The following SIGIRR variants were observed in gnomAD, a reference collection of about 807,000 sequenced individuals.
SIGIRR encodes the protein single Ig IL-1-related receptor.
In SIGIRR, 41 loss-of-function variants were observed where a neutral mutation model predicts 45.6. The ratio of observed to expected loss-of-function variants is 0.90; its 90% CI spans 0.70 to 1.17. The LOEUF is 1.17. Ranked by LOEUF, SIGIRR falls within the 50% of genes most tolerant of loss-of-function variation. The pLI is 0.00. For synonymous variants in SIGIRR, 298 were observed against 239.0 expected (o/e 1.25, Z -2.28); for missense variants, 599 against 539.6 (o/e 1.11, Z -1.09).
In SIGIRR at chr11:406,047, G is replaced by A. The variant is rs765174522; in HGVS notation, c.1082C>T (p.Pro361Leu). Residue 361 changes from proline (P) to leucine (L), a missense_variant, in exon 10 of 10, where the codon CCT becomes CTT. Pro to Leu is a moderately conservative substitution (Grantham distance 98). Coordinates refer to ENST00000431843, the MANE Select transcript of SIGIRR (RefSeq NM_001135054.2). ...TGGAGCTGATGGCTCTCCAAAGACA[G>A]GCCCCCGGACACCTGGGGTGGGGAG... ...DPEGDLGVRG[P>L]VFGEPSAPPH... The A allele has an allele frequency of 7.2e-5, 114 of 1,583,886 alleles. No homozygotes were observed. The highest frequency in any genetic ancestry group is 3.8e-5 in the Non-Finnish European group (44 of 1,166,348).
chr11:409,736 G>T, intron 2 of SIGIRR, 132 bp downstream of exon 2: 1 of 1,044,172 alleles, frequency 9.6e-7, no homozygotes, highest in Non-Finnish European at 1.3e-6. Context: ...GGGTGAGCAG[G>T]GGCCTTTGTA....
At chr11:416,983 T>G (rs531247136), upstream of SIGIRR, among the ~76,000 whole-genome samples, 11 of 152,190 alleles carry the variant, frequency 7.2e-5, no homozygotes, top group East Asian at 1.9e-3. The surrounding 1 kb of genome is among the most constrained non-coding windows in gnomAD (Gnocchi z 9.1). Context: ...GATCCAGGCT[T>G]GGGCGACCGA....
intron 1 of SIGIRR, among the ~76,000 whole-genome samples, chr11:410,327 G>A (rs1705527390): frequency 6.6e-6 from 1 of 152,118 alleles, no homozygotes; most frequent in Non-Finnish European, 1.5e-5. Context: ...GTGGGACCCT[G>A]TCTCCCGACA....
At chr11:406,739 G>A (rs1414238228) in intron 8 of SIGIRR, 104 bp downstream of exon 8, 67 of 1,427,462 alleles carry the variant, frequency 4.7e-5, no homozygotes, top group Middle Eastern at 4.9e-4. Flanking sequence ...TTCACAAAGC[G>A]TGGTGCCGCA....
chr11:409,725 G>A (rs969112776), intron 2 of SIGIRR, 143 bp downstream of exon 2: 4 of 923,824 alleles, frequency 4.3e-6, no homozygotes, highest in East Asian at 3.3e-5. Flanking sequence ...CCCAGTGGGA[G>A]GGGTGAGCAG....
At chr11:411,598 C>T (rs868377135) in intron 1 of SIGIRR, among the ~76,000 whole-genome samples, 48 of 57,372 alleles carry the variant, frequency 8.4e-4, no homozygotes, top group Non-Finnish European at 1.5e-3. Context: ...ATACAGTCGG[C>T]GGGGGGTGCC....
intron 8 of SIGIRR, 34 bp downstream of exon 8, chr11:406,809 G>C (rs1320529714): frequency 4.7e-6 from 7 of 1,485,048 alleles, no homozygotes; most frequent in Non-Finnish European, 6.2e-6. Context: ...CTAACCCGCC[G>C]CTAGCCCCGG....
At position 405,978 on chromosome 11, in the gene SIGIRR, T is replaced by A; in HGVS notation, c.1151A>T (p.Glu384Val). Residue 384 changes from glutamate (E) to valine (V), a missense_variant, in exon 10 of 10, where the codon GAA becomes GTA. By Grantham distance (121) the Glu-to-Val change is moderately radical. Coordinates refer to ENST00000431843, the MANE Select transcript of SIGIRR (RefSeq NM_001135054.2). ...GVSLGESRSS[E>V]VDVSDLGSRN... is the part of the protein sequence containing the mutation. ...CGAGCCGAGATCCGAGACGTCCACT[T>A]CGCTGCTCCGGCTCTCTCCCAGCGA... 1 of 1,612,326 alleles carries A rather than the reference T, an allele frequency of 6.2e-7. No individual in the cohort carries two copies. Among genetic ancestry groups the A allele is most frequent in the South Asian group, 1.1e-5 (1 of 91,044 alleles).
At chr11:413,751 C>T (rs566407688) in intron 1 of SIGIRR, among the ~76,000 whole-genome samples, 1 of 141,578 alleles carries the variant, frequency 7.1e-6, no homozygotes, top group Non-Finnish European at 1.5e-5. Flanking sequence ...CTCTCCCCTA[C>T]GCACCTTCCC....
At chr11:406,708 G>A in intron 8 of SIGIRR, 135 bp downstream of exon 8, 2 of 1,413,070 alleles carry the variant, frequency 1.4e-6, no homozygotes, top group South Asian at 1.5e-5. Context: ...CCCAGGCAGC[G>A]GAACCTCCCC....
rs1245681283 is a variant in SIGIRR at position 410,147 on chromosome 11, C to T, written c.-153-120G>A. 19 of 927,310 alleles carry T rather than the reference C, an allele frequency of 2.0e-5. No homozygotes were observed. The South Asian group carries it at 5.2e-4, about 25-fold the overall frequency. The allele number at this position is 927,310 out of a possible 1,614,324, so 57.4% of individuals were successfully genotyped here. On this transcript the variant is annotated intron_variant, in intron 1 of 9. Transcript: ENST00000431843. ...CCCTGAGCAGCCGCATGGATGCTGG[C>T]AGAGTTCTCGGAGGCCAGCAGGGTG...
At chr11:410,825 A>G (rs59728423) in intron 1 of SIGIRR, among the ~76,000 whole-genome samples, 13 of 5,636 alleles carry the variant, frequency 2.3e-3, no homozygotes, top group Admixed American at 8.5e-3. Context: ...GCAGTCGGGG[A>G]GGGGGGTGCC....
intron 1 of SIGIRR, 88 bp from the exon 2 acceptor site, chr11:410,115 G>A (rs1372755425): frequency 2.6e-6 from 3 of 1,154,874 alleles, no homozygotes; most frequent in Non-Finnish European, 3.3e-6. Flanking sequence ...GCCCTGACCA[G>A]ATGCGACCCT....
chr11:410,102 C>G (rs1847518019), intron 1 of SIGIRR, 75 bp from the exon 2 acceptor site: 1 of 1,206,478 alleles, frequency 8.3e-7, no homozygotes, highest in African/African-American at 1.6e-5. Context: ...ACAGACAGCA[C>G]TGGCCCTGAC....
intron 8 of SIGIRR, 124 bp downstream of exon 8, chr11:406,719 C>G (rs1006430637): frequency 2.8e-5 from 40 of 1,418,316 alleles, no homozygotes; most frequent in South Asian, 5.9e-5. Flanking sequence ...GAACCTCCCC[C>G]CAGGGCCCAT....
In SIGIRR at chr11:406,609, G is replaced by A. The variant is rs1285192539; in HGVS notation, c.880-71C>T. 7 of 1,513,398 alleles carry A rather than the reference G, an allele frequency of 4.6e-6. No individual in the cohort carries two copies. In the Middle Eastern group the frequency reaches 7.1e-4, roughly 153 times the overall value. The allele number at this position is 1,513,398 out of a possible 1,614,324, so 93.7% of individuals were successfully genotyped here. A position where few individuals can be genotyped will look rare whatever the true frequency, so the allele number is the denominator to read the frequency against. On this transcript the variant is annotated intron_variant, in intron 8 of 9. Coordinates refer to ENST00000431843, the MANE Select transcript of SIGIRR (RefSeq NM_001135054.2). ...GCCCCTGGCGTCCTGGCCCCCAAGA[G>A]CACACCTGCGGCTGCCCACGGGTTC... is the stretch of plus-strand genomic sequence containing the variant.
At chr11:416,739 C>A (rs1847894399), upstream of SIGIRR, among the ~76,000 whole-genome samples, 1 of 152,128 alleles carries the variant, frequency 6.6e-6, no homozygotes, top group Non-Finnish European at 1.5e-5. The surrounding 1 kb of genome is among the most constrained non-coding windows in gnomAD (Gnocchi z 9.1). Flanking sequence ...CCCCGCAGGC[C>A]GAGGGGCTCT....
chr11:405,743 G>T lies in SIGIRR; in HGVS notation c.*153C>A. 2.3e-6 allele frequency: 2 copies of T among 860,348 alleles called. No homozygotes were observed. Among genetic ancestry groups the T allele is most frequent in the Non-Finnish European group, 3.4e-6 (2 of 580,476 alleles). The allele number at this position is 860,348 out of a possible 1,614,324, so 53.3% of individuals were successfully genotyped here. The stretch of plus-strand genomic sequence containing the variant: ...GAATCCAAAAGGACTTTATTTTCTG[G>T]CACTGGGAGGCGCCCTGAGGCCACA... On this transcript the variant is annotated 3_prime_UTR_variant, in exon 10 of 10. Coordinates refer to ENST00000431843, the MANE Select transcript of SIGIRR (RefSeq NM_001135054.2).
At chr11:413,312 A>G (rs1238436082) in intron 1 of SIGIRR, among the ~76,000 whole-genome samples, 1 of 152,082 alleles carries the variant, frequency 6.6e-6, no homozygotes, top group Non-Finnish European at 1.5e-5. Flanking sequence ...GCACACACCC[A>G]TGGGGGATGG....
Sources: gnomAD v4.1 joint callset for allele counts (sites outside exome capture counted in the v4.1 genomes callset) on GRCh38, gnomAD v4.1.1 for gene constraint, Gnocchi (gnomAD v3.1) non-coding constraint, MANE v1.5 for transcripts, NCBI Gene and HGNC (gene_info 2026-07-23, HGNC 2026-07-21) for gene names.